The following STAU1 variants were observed in gnomAD, a reference collection of about 807,000 sequenced individuals.
STAU1 encodes staufen double-stranded RNA binding protein 1.
Under a neutral mutation model 62.9 loss-of-function variants are expected in STAU1, and 13 were observed. The observed-to-expected ratio is 0.21, with a 90% CI of 0.13 to 0.33. The LOEUF (loss-of-function observed/expected upper bound fraction) is 0.33, where lower values mean the gene tolerates loss of function less well. STAU1 is among the 10% of genes least tolerant of loss of function. The pLI, the probability that STAU1 is intolerant of heterozygous loss-of-function variation, is 1.00. For synonymous variants in STAU1, 269 were observed against 265.1 expected, an observed-to-expected ratio of 1.01 and a Z score of -0.14; for missense variants, 571 against 712.1, an observed-to-expected ratio of 0.80 and a Z score of 2.25.
At position 49,118,554 on chromosome 20, in the gene STAU1, C is replaced by T. The variant is rs186831404; in HGVS notation, c.1114-146G>A. 57 of 647,638 alleles carry T rather than the reference C, an allele frequency of 8.8e-5. No individual in the cohort carries two copies. The African/African-American group carries it at 9.9e-4, about 11-fold the overall frequency. The allele number at this position is 647,638 out of a possible 1,614,324, so 40.1% of individuals were successfully genotyped here. A position where few individuals can be genotyped will look rare whatever the true frequency, so the allele number is the denominator to read the frequency against. On this transcript the variant is annotated intron_variant, in intron 9 of 13. Transcript: ENST00000371856. ...AAACCCTGCCCCACCTGACCACTGG[C>T]ACCCTGACAGACACCTGGGCAGAGC...
intron 2 of STAU1, among the ~76,000 whole-genome samples, chr20:49,170,540 A>G (rs2146443660): frequency 6.6e-6 from 1 of 152,220 alleles, no homozygotes; most frequent in African/African-American, 2.4e-5. Context: ...TTTAGTAGAA[A>G]TGGGGTTTCA....
intron 7 of STAU1, 95 bp from the exon 8 acceptor site, chr20:49,123,330 T>C: frequency 6.5e-7 from 1 of 1,534,344 alleles, no homozygotes; most frequent in Non-Finnish European, 9.0e-7. Context: ...TAAGAGATTT[T>C]GGGTTGACCT....
chr20:49,115,007 A>G (rs2092279151), intron 13 of STAU1, 114 bp from the exon 14 acceptor site: 5 of 1,107,876 alleles, frequency 4.5e-6, no homozygotes, highest in Non-Finnish European at 6.6e-6. Context: ...TAAAAGCCCC[A>G]GTTTATGATA....
intron 3 of STAU1, 29 bp downstream of exon 3, chr20:49,165,968 A>G: frequency 6.2e-7 from 1 of 1,608,630 alleles, no homozygotes; most frequent in Non-Finnish European, 8.5e-7. Context: ...AACATTTGAA[A>G]TAGAAGACAC....
At chr20:49,190,105 C>G (rs1230390549), upstream of STAU1, among the ~76,000 whole-genome samples, 1 of 152,128 alleles carries the variant, frequency 6.6e-6, no homozygotes, top group Admixed American at 6.6e-5. Flanking sequence ...AACTTCCAAG[C>G]AGTGTGGATC....
At chr20:49,205,920 C>T in the STAU1 span, among the ~76,000 whole-genome samples, 1 of 151,704 alleles carries the variant, frequency 6.6e-6, no homozygotes, top group Non-Finnish European at 1.5e-5. Context: ...GTGATCTGCC[C>T]AACTCGGCCT....
chr20:49,118,091 T>C lies in STAU1; in HGVS notation c.1195A>G (p.Lys399Glu). The part of the protein sequence containing the change: ...GSGDENGTSN[K>E]EDEFRMPYLS... ...TAAGGCATCCTGAACTCATCCTCTT[T>C]ATTACCTGGGAGGGACATACACGGT... The change falls in exon 11 of 14, where the codon AAA (lysine) becomes GAA (glutamate). Residue 399 changes from lysine to glutamate, a missense_variant. Physicochemically the swap from Lys to Glu is moderately conservative, Grantham distance 56. Transcript: ENST00000371856. The C allele has an allele frequency of 1.2e-6, 2 of 1,613,740 alleles. No homozygotes were observed. Among genetic ancestry groups the C allele is most frequent in the Non-Finnish European group, 1.7e-6 (2 of 1,179,766 alleles).
In STAU1 at chr20:49,158,800, C is replaced by T. The variant is rs1600784186; in HGVS notation, c.206-4729G>A. 4 of 504,290 alleles carry T rather than the reference C, an allele frequency of 7.9e-6. No homozygotes were observed. In the East Asian group the frequency reaches 2.2e-4, roughly 28 times the overall value. The allele number at this position is 504,290 out of a possible 1,614,324, so 31.2% of individuals were successfully genotyped here. The stretch of plus-strand genomic sequence containing the variant: ...ACTCCAGTATGGGCAACAGAGACTC[C>T]ATTTCAAAATAAAAAAAAGCCGGGC... On this transcript the variant is annotated intron_variant, in intron 3 of 13. Transcript: ENST00000371856.
chr20:49,211,546 T>G, the STAU1 span, among the ~76,000 whole-genome samples: 1 of 151,942 alleles, frequency 6.6e-6, no homozygotes, highest in African/African-American at 2.4e-5. Context: ...CTAGTTCTGT[T>G]GCCCAGGCTG....
intron 6 of STAU1, among the ~76,000 whole-genome samples, chr20:49,127,150 C>T (rs6063358): frequency 4.0e-5 from 6 of 151,294 alleles, no homozygotes; most frequent in Admixed American, 1.3e-4. Context: ...GTCAGGAGTT[C>T]GAGATCAGCC....
the STAU1 span, among the ~76,000 whole-genome samples, chr20:49,195,918 G>GAAAAAA: frequency 1.3e-5 from 1 of 74,426 alleles, no homozygotes; most frequent in Non-Finnish European, 2.8e-5. Context: ...AAAAAAAAAA[G>GAAAAAA]AAAAAAGAAA....
chr20:49,162,095 AAAC>A (rs1162166000), intron 3 of STAU1, among the ~76,000 whole-genome samples: 8 of 152,192 alleles, frequency 5.3e-5, no homozygotes, highest in Admixed American at 4.6e-4. Context: ...ACCATCTCTC[AAAC>A]AACACTTGTC....
chr20:49,158,539 G>A, intron 3 of STAU1: 2 of 1,292,196 alleles, frequency 1.5e-6, no homozygotes, highest in Non-Finnish European at 1.0e-6. Flanking sequence ...GCCAGGTGCA[G>A]TGGCTCATGC....
At chr20:49,166,362 G>T in intron 2 of STAU1, 77 bp from the exon 3 acceptor site, 2 of 627,570 alleles carry the variant, frequency 3.2e-6, no homozygotes, top group South Asian at 2.0e-5. Context: ...CAGTCAAAAT[G>T]GTGTCACCTA....
At chr20:49,185,964 C>T (rs769009698) in intron 1 of STAU1, among the ~76,000 whole-genome samples, 1 of 151,852 alleles carries the variant, frequency 6.6e-6, no homozygotes. Context: ...GTCTCAGCCT[C>T]GGGAGTAGCT....
intron 6 of STAU1, among the ~76,000 whole-genome samples, chr20:49,124,973 G>C (rs1465715950): frequency 6.0e-5 from 9 of 149,726 alleles, no homozygotes; most frequent in African/African-American, 2.2e-4. Flanking sequence ...CTCCAGCCAG[G>C]ACTAGGCCTA....
the STAU1 span, among the ~76,000 whole-genome samples, chr20:49,202,030 C>T: frequency 0.33 from 49,785 of 150,436 alleles, 9,207 homozygotes; most frequent in Middle Eastern, 0.47. Context: ...ACCATCCTGG[C>T]TAACACGGTG....
chr20:49,131,270 G>C (rs1473938778), intron 6 of STAU1, among the ~76,000 whole-genome samples: 1 of 152,196 alleles, frequency 6.6e-6, no homozygotes, highest in African/African-American at 2.4e-5. Context: ...TAAATGTAAG[G>C]TGTGAGTCTG....
At chr20:49,162,825 G>C (rs2093469875) in intron 3 of STAU1, among the ~76,000 whole-genome samples, 1 of 151,728 alleles carries the variant, frequency 6.6e-6, no homozygotes, top group South Asian at 2.1e-4. Flanking sequence ...GAAGACAAAG[G>C]AGGAAACTGA....
Sources: gnomAD v4.1 joint callset for allele counts (sites outside exome capture counted in the v4.1 genomes callset) on GRCh38, gnomAD v4.1.1 for gene constraint, MANE v1.5 for transcripts, NCBI Gene and HGNC (gene_info 2026-07-23, HGNC 2026-07-21) for gene names.